HERC1: variants seen among roughly 807,000 people sequenced by gnomAD.
HERC1 encodes probable E3 ubiquitin-protein ligase HERC1.
A neutral mutation model predicts 554.3 loss-of-function variants in HERC1; 160 were observed. That is an observed-to-expected ratio of 0.29 (90% CI 0.25 to 0.33). HERC1 has a LOEUF of 0.33. HERC1 is among the 10% of genes least tolerant of loss of function. The pLI is 1.00. For missense variants in HERC1, 4,919 were observed against 5,918.5 expected (o/e 0.83, Z 5.54); for synonymous variants, 2,175 against 2,131.7 (o/e 1.02, Z -0.56).
rs371913879 is a variant in HERC1 at position 63,775,333 on chromosome 15, G to A, written c.291C>T (p.Ser97=). 35 of 1,613,814 alleles carry A rather than the reference G, an allele frequency of 2.2e-5. No individual in the cohort carries two copies. Among genetic ancestry groups the A allele is most frequent in the Admixed American group, 1.0e-4 (6 of 59,994 alleles). Residue 97 remains serine (S), a synonymous_variant, in exon 2 of 78, where the codon TCC becomes TCT. Coordinates refer to ENST00000443617, the MANE Select transcript of HERC1 (RefSeq NM_003922.4). This position sits in a 1 kb window ranked among gnomAD's most constrained non-coding sequence, Gnocchi z 4.0. ...LALAKMVCSD[S]PFAGALRKRL... ...GTTTTCTAAGTGCCCCGGCAAATGGGGAATCTGAACATACCATCTTTGCCA... is the reference window on the plus strand; with the variant it reads ...GTTTTCTAAGTGCCCCGGCAAATGGAGAATCTGAACATACCATCTTTGCCA...
chr15:63,785,534 C>A (rs2076411573), intron 1 of HERC1, among the ~76,000 whole-genome samples: 2 of 152,116 alleles, frequency 1.3e-5, no homozygotes, highest in Admixed American at 1.3e-4. Context: ...TTTGGGAGGC[C>A]AAGGTGGGCG....
chr15:63,819,429 T>C (rs914076304), intron 1 of HERC1, among the ~76,000 whole-genome samples: 3 of 152,224 alleles, frequency 2.0e-5, no homozygotes, highest in African/African-American at 7.2e-5. Context: ...GTTGTTATTC[T>C]CTATTTGCAC....
chr15:63,789,602 A>G (rs1269491932), intron 1 of HERC1, among the ~76,000 whole-genome samples: 1 of 151,624 alleles, frequency 6.6e-6, no homozygotes, highest in East Asian at 2.0e-4. Flanking sequence ...GTTCGAGACC[A>G]GCCTGGCCAA....
rs2069997355 is a variant in HERC1 at position 63,655,730 on chromosome 15, T to C, written c.10084+12A>G. On this transcript the variant is annotated intron_variant, in intron 50 of 77. Transcript: ENST00000443617. ...ATTAGAAGACTGTATGTTTCAGTAG[T>C]ATGAAACTTACCTTTCTTTTCAACT... 1 of 1,515,740 alleles carries C rather than the reference T, an allele frequency of 6.6e-7. No individual in the cohort carries two copies. Among genetic ancestry groups the C allele is most frequent in the Admixed American group, 2.0e-5 (1 of 50,820 alleles). The allele number at this position is 1,515,740 out of a possible 1,614,324, so 93.9% of individuals were successfully genotyped here.
At chr15:63,826,351 T>C (rs1297982233) in intron 1 of HERC1, among the ~76,000 whole-genome samples, 12 of 152,180 alleles carry the variant, frequency 7.9e-5, no homozygotes, top group Admixed American at 7.9e-4. Flanking sequence ...TATGGAACTA[T>C]GACAGGTTCC....
At position 63,680,939 on chromosome 15, in the gene HERC1, A is replaced by T. The variant is rs2071442937; in HGVS notation, c.6226-163T>A. Among the ~76,000 whole-genome samples the T allele has an allele frequency of 6.6e-6, 1 of 152,218 alleles. No individual in the cohort carries two copies. Among genetic ancestry groups the T allele is most frequent in the African/African-American group, 2.4e-5 (1 of 41,458 alleles). On this transcript the variant is annotated intron_variant, in intron 34 of 77. Transcript: ENST00000443617. This position sits in a 1 kb window ranked among gnomAD's most constrained non-coding sequence, Gnocchi z 5.8. ...AAATAACACGAAAATAATCGCATCA[A>T]TTTAGAAAGATTTTAAAACATTCTT...
At chr15:63,815,283 T>C (rs761249099) in intron 1 of HERC1, among the ~76,000 whole-genome samples, 1 of 152,224 alleles carries the variant, frequency 6.6e-6, no homozygotes, top group African/African-American at 2.4e-5. Flanking sequence ...TATCTTGCAA[T>C]ATAGAGTAGT....
intron 45 of HERC1, among the ~76,000 whole-genome samples, chr15:63,661,407 C>A (rs181700029): frequency 1.5e-3 from 234 of 152,126 alleles, no homozygotes; most frequent in African/African-American, 5.1e-3. Flanking sequence ...CTGTTTTTTT[C>A]ATCAGGAAAA....
intron 61 of HERC1, among the ~76,000 whole-genome samples, chr15:63,639,838 G>A (rs766020360): frequency 3.3e-5 from 5 of 152,172 alleles, no homozygotes; most frequent in Non-Finnish European, 5.9e-5. Context: ...ACCAGGAAAA[G>A]ATGCTAAGAT....
Position 63,683,438 on chromosome 15 carries a change from T to C in HERC1, c.6226-2662A>G, listed in dbSNP as rs763872644. Among the ~76,000 whole-genome samples, 9 of 152,316 alleles carry C rather than the reference T, an allele frequency of 5.9e-5. No homozygotes were observed. The South Asian group carries it at 6.2e-4, about 11-fold the overall frequency. The stretch of plus-strand genomic sequence containing the variant: ...AGCTCTAGATGGAGATATAGACATA[T>C]GCTTTTAGAGTTTTAAAAAACATTC... On this transcript the variant is annotated intron_variant, in intron 34 of 77. Transcript: ENST00000443617.
At chr15:63,819,370 A>C (rs2077605945) in intron 1 of HERC1, among the ~76,000 whole-genome samples, 1 of 152,236 alleles carries the variant, frequency 6.6e-6, no homozygotes, top group South Asian at 2.1e-4. Flanking sequence ...CAATTGAGAA[A>C]ATGTTTACAA....
At chr15:63,709,752 G>A (rs771997794) in intron 24 of HERC1, among the ~76,000 whole-genome samples, 3 of 152,100 alleles carry the variant, frequency 2.0e-5, no homozygotes, top group Non-Finnish European at 2.9e-5. Flanking sequence ...GATATCAGGG[G>A]CATTTAGGAA....
At chr15:63,783,597 C>T (rs1411145111) in intron 1 of HERC1, among the ~76,000 whole-genome samples, 2 of 152,088 alleles carry the variant, frequency 1.3e-5, no homozygotes, top group Admixed American at 6.6e-5. Context: ...CTGTACTTTT[C>T]GCTTTATTGC....
Position 63,718,922 on chromosome 15 carries a change from C to T in HERC1, c.3743-25G>A, listed in dbSNP as rs2073686905. The T allele has an allele frequency of 1.3e-6, 2 of 1,499,636 alleles. No individual in the cohort carries two copies. The highest frequency in any genetic ancestry group is 2.8e-5 in the African/African-American group (2 of 71,998). The allele number at this position is 1,499,636 out of a possible 1,614,324, so 92.9% of individuals were successfully genotyped here. On this transcript the variant is annotated intron_variant, in intron 19 of 77. Transcript: ENST00000443617. The surrounding 1 kb of genome is among the most constrained non-coding windows in gnomAD (Gnocchi z 4.2). The stretch of plus-strand genomic sequence containing the variant: ...TCTGAAAATAAAAATGATGCATTGA[C>T]ATTTAAAAGGGCTCAGAAAACAGTT...
At chr15:63,716,178 C>T in intron 22 of HERC1, 124 bp downstream of exon 22, 1 of 810,714 alleles carries the variant, frequency 1.2e-6, no homozygotes, top group Non-Finnish European at 2.0e-6. Flanking sequence ...ATTGAGATCA[C>T]CAGCAGAATA....
intron 1 of HERC1, among the ~76,000 whole-genome samples, chr15:63,819,870 T>C (rs779411966): frequency 6.6e-6 from 1 of 152,224 alleles, no homozygotes; most frequent in Non-Finnish European, 1.5e-5. Flanking sequence ...TGCATGATCT[T>C]AGGCAAGTTA....
intron 2 of HERC1, among the ~76,000 whole-genome samples, chr15:63,767,803 T>G (rs1485852118): frequency 6.6e-6 from 1 of 152,214 alleles, no homozygotes; most frequent in Non-Finnish European, 1.5e-5. Flanking sequence ...GCAGAACTTT[T>G]TTGTCATCTA....
chr15:63,744,110 C>CTCTGTG (rs1555433487), intron 12 of HERC1, among the ~76,000 whole-genome samples: 1 of 93,354 alleles, frequency 1.1e-5, no homozygotes, highest in African/African-American at 4.8e-5. Flanking sequence ...CCCAAACAGA[C>CTCTGTG]TGTGTGTGTG....
intron 34 of HERC1, among the ~76,000 whole-genome samples, chr15:63,682,707 C>T (rs2153005202): frequency 6.6e-6 from 1 of 152,240 alleles, no homozygotes; most frequent in South Asian, 2.1e-4. Flanking sequence ...TCTCCCCCTG[C>T]CACAATTTAC....
Sources: gnomAD v4.1 joint callset for allele counts (sites outside exome capture counted in the v4.1 genomes callset) on GRCh38, gnomAD v4.1.1 for gene constraint, Gnocchi (gnomAD v3.1) non-coding constraint, MANE v1.5 for transcripts, NCBI Gene and HGNC (gene_info 2026-07-23, HGNC 2026-07-21) for gene names.